Variants in DPYD observed in about 807,000 individuals in gnomAD.
DPYD encodes the protein dihydropyrimidine dehydrogenase [NADP(+)].
In DPYD, 109 loss-of-function variants were observed where a neutral mutation model predicts 116.2. The ratio of observed to expected loss-of-function variants is 0.94; its 90% CI spans 0.80 to 1.10. The LOEUF (loss-of-function observed/expected upper bound fraction) is 1.10. Ranked by LOEUF, DPYD falls within the 50% of genes least tolerant of loss-of-function variation. DPYD has a pLI of 0.00. For missense variants in DPYD, 1,302 were observed against 1,254.5 expected (o/e 1.04, Z -0.57); for synonymous variants, 440 against 432.0 (o/e 1.02, Z -0.23).
At chr1:97,383,629 T>C (rs1353240151) in intron 14 of DPYD, among the ~76,000 whole-genome samples, 2 of 152,152 alleles carry the variant, frequency 1.3e-5, no homozygotes, top group Non-Finnish European at 2.9e-5. Flanking sequence ...CTCCCCACTT[T>C]ATAGATGAAG....
At chr1:97,502,159 A>G (rs1679622107) in intron 13 of DPYD, among the ~76,000 whole-genome samples, 1 of 152,230 alleles carries the variant, frequency 6.6e-6, no homozygotes, top group Non-Finnish European at 1.5e-5. Context: ...TTAACCAAAA[A>G]GAACAGGAGG....
intron 5 of DPYD, among the ~76,000 whole-genome samples, chr1:97,712,076 C>A (rs1217586051): frequency 6.6e-6 from 1 of 151,926 alleles, no homozygotes; most frequent in Admixed American, 6.6e-5. Flanking sequence ...ATTACCACAA[C>A]CCTGTGTCTA....
intron 5 of DPYD, among the ~76,000 whole-genome samples, chr1:97,712,263 T>C (rs1032955159): frequency 6.6e-6 from 1 of 152,058 alleles, no homozygotes; most frequent in Admixed American, 6.6e-5. Flanking sequence ...TATCTCTTTA[T>C]TGTGCTCTGG....
chr1:97,877,348 C>G (rs1430084698), intron 2 of DPYD, among the ~76,000 whole-genome samples: 1 of 151,894 alleles, frequency 6.6e-6, no homozygotes, highest in East Asian at 2.0e-4. Context: ...TAGGTATCAG[C>G]TCGCAGAAAT....
intron 8 of DPYD, among the ~76,000 whole-genome samples, chr1:97,623,057 A>G (rs1460095100): frequency 6.6e-6 from 1 of 152,084 alleles, no homozygotes; most frequent in Non-Finnish European, 1.5e-5. Flanking sequence ...TGGGTATGAG[A>G]TAGGACTCTG....
In DPYD at chr1:97,559,087, C is replaced by T. The variant is rs534642498; in HGVS notation, c.1340-9343G>A. On this transcript the variant is annotated intron_variant, in intron 11 of 22. Coordinates refer to ENST00000370192, the MANE Select transcript of DPYD (RefSeq NM_000110.4). The stretch of plus-strand genomic sequence containing the variant: ...GGACCATAATCATTATAATTCTATG[C>T]ACATTTGGGTGCTTAATATTTCTTG... Among the ~76,000 whole-genome samples the T allele has an allele frequency of 3.3e-5, 5 of 152,148 alleles. No homozygotes were observed. In the South Asian group the frequency reaches 8.3e-4, roughly 25 times the overall value.
At chr1:97,472,457 T>G (rs1295645555) in intron 13 of DPYD, among the ~76,000 whole-genome samples, 1 of 152,238 alleles carries the variant, frequency 6.6e-6, no homozygotes, top group South Asian at 2.1e-4. Flanking sequence ...GTACACTTTC[T>G]TCCTTAGGCA....
At chr1:97,620,543 T>C (rs1043169152) in intron 8 of DPYD, among the ~76,000 whole-genome samples, 3 of 152,136 alleles carry the variant, frequency 2.0e-5, no homozygotes, top group Non-Finnish European at 1.5e-5. Flanking sequence ...ACTGGCAACA[T>C]CTCATAGGTT....
At chr1:97,127,566 C>G (rs995096758) in intron 20 of DPYD, among the ~76,000 whole-genome samples, 5 of 152,132 alleles carry the variant, frequency 3.3e-5, no homozygotes. Flanking sequence ...GAAATTCCAA[C>G]TTGAAGGTTG....
chr1:97,889,411 T>C (rs1672662854), intron 1 of DPYD, among the ~76,000 whole-genome samples: 1 of 151,946 alleles, frequency 6.6e-6, no homozygotes, highest in Admixed American at 6.6e-5. Context: ...ATGTTGAAAG[T>C]AAAAGATGGA....
intron 14 of DPYD, among the ~76,000 whole-genome samples, chr1:97,418,858 G>A (rs558417855): frequency 6.6e-6 from 1 of 152,202 alleles, no homozygotes; most frequent in East Asian, 1.9e-4. Context: ...AATGGACACA[G>A]GTTTCAGCCA....
chr1:97,905,769 G>A (rs1022152507), intron 1 of DPYD, among the ~76,000 whole-genome samples: 3 of 151,912 alleles, frequency 2.0e-5, no homozygotes, highest in Non-Finnish European at 4.4e-5. Flanking sequence ...GAATACATAC[G>A]GTCAGGAAAA....
chr1:97,083,761 T>A (rs1275380723), intron 21 of DPYD, among the ~76,000 whole-genome samples: 1 of 152,156 alleles, frequency 6.6e-6, no homozygotes, highest in Non-Finnish European at 1.5e-5. Context: ...GAACTTATCA[T>A]CAACAACACG....
intron 2 of DPYD, among the ~76,000 whole-genome samples, chr1:97,843,025 C>G (rs374929472): frequency 1.3e-5 from 2 of 151,968 alleles, no homozygotes; most frequent in East Asian, 3.9e-4. Context: ...TTATAAGAAC[C>G]CTTCATCCTT....
At chr1:97,450,316 A>G in intron 13 of DPYD, 93 bp from the exon 14 acceptor site, 1 of 1,385,882 alleles carries the variant, frequency 7.2e-7, no homozygotes, top group Non-Finnish European at 9.9e-7. Flanking sequence ...ATATTTTATG[A>G]GGTCCCTTCT....
intron 3 of DPYD, among the ~76,000 whole-genome samples, chr1:97,827,886 T>A (rs1383018025): frequency 6.6e-6 from 1 of 152,148 alleles, no homozygotes; most frequent in Non-Finnish European, 1.5e-5. Flanking sequence ...CCCTTAAGCA[T>A]TTTAAGTAAC....
At chr1:97,302,493 G>C (rs937572062) in intron 18 of DPYD, among the ~76,000 whole-genome samples, 2 of 151,884 alleles carry the variant, frequency 1.3e-5, no homozygotes, top group African/African-American at 4.8e-5. Context: ...ATCTGTAGAT[G>C]AATTAGAAAA....
chr1:97,510,428 C>T (rs1175245403), intron 13 of DPYD, among the ~76,000 whole-genome samples: 1 of 151,898 alleles, frequency 6.6e-6, no homozygotes, highest in Non-Finnish European at 1.5e-5. Flanking sequence ...ACATGTCTTT[C>T]TATATCACAG....
intron 2 of DPYD, among the ~76,000 whole-genome samples, chr1:97,830,497 A>T (rs1669484326): frequency 6.6e-6 from 1 of 152,012 alleles, no homozygotes; most frequent in Non-Finnish European, 1.5e-5. Context: ...GCGGATCATG[A>T]GGTCAAGAGA....
Sources: gnomAD v4.1 joint callset for allele counts (sites outside exome capture counted in the v4.1 genomes callset) on GRCh38, gnomAD v4.1.1 for gene constraint, MANE v1.5 for transcripts, NCBI Gene and HGNC (gene_info 2026-07-23, HGNC 2026-07-21) for gene names.